Variants in TMEFF2 observed in about 807,000 individuals in gnomAD.
The protein encoded by TMEFF2 is tomoregulin-2.
Under a neutral mutation model 53.8 loss-of-function variants are expected in TMEFF2, and 28 were observed. That is an observed-to-expected ratio of 0.52 (90% CI 0.39 to 0.71). The LOEUF (loss-of-function observed/expected upper bound fraction) is 0.71. Ranked by LOEUF, TMEFF2 falls within the 30% of genes least tolerant of loss-of-function variation. The pLI is 0.00. For synonymous variants in TMEFF2, 162 were observed against 166.3 expected, an observed-to-expected ratio of 0.97 and a Z score of 0.20; for missense variants, 353 against 455.2, an observed-to-expected ratio of 0.78 and a Z score of 2.04.
At chr2:192,038,979 T>C (rs983212095) in intron 5 of TMEFF2, among the ~76,000 whole-genome samples, 1 of 152,192 alleles carries the variant, frequency 6.6e-6, no homozygotes, top group South Asian at 2.1e-4. Flanking sequence ...AATGCAAGCC[T>C]ATGGCCCTCA....
intron 5 of TMEFF2, among the ~76,000 whole-genome samples, chr2:192,050,113 C>T (rs1687731083): frequency 6.6e-6 from 1 of 152,146 alleles, no homozygotes; most frequent in South Asian, 2.1e-4. Context: ...GTTCTGTTGC[C>T]ATGCAGTATT....
intron 8 of TMEFF2, 99 bp downstream of exon 8, chr2:191,956,156 A>G: frequency 7.5e-7 from 1 of 1,338,290 alleles, no homozygotes; most frequent in South Asian, 1.5e-5. Context: ...CTGATTACCC[A>G]TTCAAGAAGA....
At chr2:191,994,872 G>A (rs562828105) in intron 7 of TMEFF2, among the ~76,000 whole-genome samples, 1 of 151,998 alleles carries the variant, frequency 6.6e-6, no homozygotes, top group East Asian at 1.9e-4. Context: ...GAAATGAAGA[G>A]ATCCAAAGCC....
At chr2:192,148,433 A>G (rs1318818270) in intron 4 of TMEFF2, among the ~76,000 whole-genome samples, 4 of 151,982 alleles carry the variant, frequency 2.6e-5, no homozygotes, top group Non-Finnish European at 5.9e-5. Flanking sequence ...CTAGGTTTGC[A>G]TTCCTCTTCC....
At chr2:192,035,999 C>T (rs1271695893) in intron 5 of TMEFF2, 4 of 152,220 alleles carry the variant, frequency 2.6e-5, no homozygotes, top group Non-Finnish European at 5.9e-5. Flanking sequence ...ACTCGATGTG[C>T]TCATGTGGAT....
chr2:191,975,971 TATTCTC>T (rs1190681201), intron 7 of TMEFF2, among the ~76,000 whole-genome samples: 7 of 152,194 alleles, frequency 4.6e-5, no homozygotes, highest in Non-Finnish European at 8.8e-5. Flanking sequence ...ATTTCTCTCT[TATTCTC>T]TAAATATTTC....
At chr2:192,024,857 C>T (rs1438722732) in intron 5 of TMEFF2, among the ~76,000 whole-genome samples, 2 of 152,178 alleles carry the variant, frequency 1.3e-5, no homozygotes, top group Non-Finnish European at 2.9e-5. Flanking sequence ...AAGAATAATT[C>T]TGCCACCTCT....
At chr2:192,122,572 G>A (rs1330521457) in intron 4 of TMEFF2, among the ~76,000 whole-genome samples, 1 of 151,948 alleles carries the variant, frequency 6.6e-6, no homozygotes, top group Non-Finnish European at 1.5e-5. Context: ...TGCATTATAC[G>A]GCTTCGGTAC....
At chr2:191,955,658 A>G (rs1309571909) in intron 8 of TMEFF2, among the ~76,000 whole-genome samples, 1 of 147,634 alleles carries the variant, frequency 6.8e-6, no homozygotes, top group Non-Finnish European at 1.5e-5. Context: ...GCCAGTATTT[A>G]TATTTATAAA....
chr2:192,097,698 C>A (rs1688945551), intron 4 of TMEFF2, among the ~76,000 whole-genome samples: 1 of 152,050 alleles, frequency 6.6e-6, no homozygotes, highest in Admixed American at 6.6e-5. Flanking sequence ...ACTATGTGCC[C>A]TTTGACCTCC....
At chr2:192,094,909 T>A (rs1574367500) in intron 4 of TMEFF2, among the ~76,000 whole-genome samples, 1 of 152,208 alleles carries the variant, frequency 6.6e-6, no homozygotes, top group African/African-American at 2.4e-5. Context: ...ATGTTCACAA[T>A]TTGTGTTGAC....
intron 4 of TMEFF2, among the ~76,000 whole-genome samples, chr2:192,155,957 T>C (rs902016017): frequency 4.0e-5 from 6 of 151,566 alleles, no homozygotes; most frequent in African/African-American, 1.2e-4. Flanking sequence ...ATAGAATTTA[T>C]AGCATATGGC....
chr2:192,101,513 T>G (rs922178289), intron 4 of TMEFF2, among the ~76,000 whole-genome samples: 2 of 152,228 alleles, frequency 1.3e-5, no homozygotes, highest in Non-Finnish European at 2.9e-5. Flanking sequence ...AAATACTCAC[T>G]TTCATGCCTA....
intron 4 of TMEFF2, among the ~76,000 whole-genome samples, chr2:192,134,691 C>T (rs1225022083): frequency 6.6e-6 from 1 of 152,160 alleles, no homozygotes; most frequent in Non-Finnish European, 1.5e-5. Flanking sequence ...ACTAAAATGC[C>T]TCTTAGTCTA....
At chr2:192,014,728 G>A (rs372585821) in intron 5 of TMEFF2, among the ~76,000 whole-genome samples, 2 of 152,188 alleles carry the variant, frequency 1.3e-5, no homozygotes, top group African/African-American at 4.8e-5. Context: ...TTTCAAAGAT[G>A]CAGGGACAGC....
intron 2 of TMEFF2, among the ~76,000 whole-genome samples, chr2:192,189,693 C>A (rs1691414734): frequency 6.6e-6 from 1 of 151,930 alleles, no homozygotes; most frequent in African/African-American, 2.4e-5. Context: ...ATAACAAACA[C>A]CAAAAACTCA....
At chr2:192,051,506 C>T (rs1687770591) in intron 5 of TMEFF2, among the ~76,000 whole-genome samples, 1 of 152,142 alleles carries the variant, frequency 6.6e-6, no homozygotes, top group Non-Finnish European at 1.5e-5. Context: ...GTTCAATTGT[C>T]AACCAGGAGT....
chr2:191,964,107 C>T (rs927519757), intron 7 of TMEFF2, among the ~76,000 whole-genome samples: 1 of 152,120 alleles, frequency 6.6e-6, no homozygotes, highest in Non-Finnish European at 1.5e-5. Flanking sequence ...ATCTGGCCTT[C>T]ATATCTTATT....
At chr2:192,055,301 G>A (rs1279694125) in intron 5 of TMEFF2, among the ~76,000 whole-genome samples, 2 of 152,094 alleles carry the variant, frequency 1.3e-5, no homozygotes, top group Non-Finnish European at 2.9e-5. Flanking sequence ...TCCCCTGGGG[G>A]TCTTGTAGAA....
Sources: gnomAD v4.1 joint callset for allele counts (sites outside exome capture counted in the v4.1 genomes callset) on GRCh38, gnomAD v4.1.1 for gene constraint, MANE v1.5 for transcripts, NCBI Gene and HGNC (gene_info 2026-07-23, HGNC 2026-07-21) for gene names.